The following AGTR1 variants were observed in gnomAD, a reference collection of about 807,000 sequenced individuals.
The protein encoded by AGTR1 is type-1 angiotensin II receptor.
Under a neutral mutation model 19.4 loss-of-function variants are expected in AGTR1, and 16 were observed. That is an observed-to-expected ratio of 0.82 (90% CI 0.56 to 1.25). AGTR1 has a LOEUF of 1.25. Ranked by LOEUF, AGTR1 falls within the 50% of genes most tolerant of loss-of-function variation. The pLI, the probability that AGTR1 is intolerant of heterozygous loss-of-function variation, is 0.00. For missense variants in AGTR1, 373 were observed against 431.9 expected (o/e 0.86, Z 1.21); for synonymous variants, 153 against 154.9 (o/e 0.99, Z 0.09).
At chr3:148,734,576 CATT>C (rs1412099766) in intron 2 of AGTR1, among the ~76,000 whole-genome samples, 1 of 152,134 alleles carries the variant, frequency 6.6e-6, no homozygotes, top group Admixed American at 6.5e-5. Flanking sequence ...ATTAGAATGA[CATT>C]AATAATTTTA....
Position 148,716,037 on chromosome 3 carries a change from C to G in AGTR1, c.-48+8010C>G, listed in dbSNP as rs1426107437. On this transcript the variant is annotated intron_variant, in intron 2 of 2. Transcript: ENST00000349243. This position sits in a 1 kb window ranked among gnomAD's most constrained non-coding sequence, Gnocchi z 4.7. Reference sequence around the variant, plus strand: ...TGCTATGCAACAGTGGCACTTACCCCCAAACCGTATCCTATGGAAATGCCT... The same window carrying G: ...TGCTATGCAACAGTGGCACTTACCCGCAAACCGTATCCTATGGAAATGCCT... 6.6e-6 allele frequency among the ~76,000 whole-genome samples: 1 copy of G among 152,258 alleles called. No individual in the cohort carries two copies. Among genetic ancestry groups the G allele is most frequent in the East Asian group, 1.9e-4 (1 of 5,182 alleles).
In AGTR1 at chr3:148,702,263, C is replaced by A. The variant is rs12721209; in HGVS notation, c.-132+4136C>A. 9.0e-3 allele frequency among the ~76,000 whole-genome samples: 1,367 copies of A among 152,268 alleles called. 15 individuals are homozygous for A. Among genetic ancestry groups the A allele is most frequent in the African/African-American group, 0.032 (1,320 of 41,556 alleles). On this transcript the variant is annotated intron_variant, in intron 1 of 2. Coordinates refer to ENST00000349243, the MANE Select transcript of AGTR1 (RefSeq NM_000685.5). ...AAGTGCTGGGATTACAGACATGAGC[C>A]ACCTCACCTGGCCTGATTTTGTACT...
intron 2 of AGTR1, among the ~76,000 whole-genome samples, chr3:148,732,223 CTT>C (rs1470969353): frequency 1.3e-5 from 2 of 152,220 alleles, no homozygotes; most frequent in Admixed American, 1.3e-4. Context: ...AAACTGTACT[CTT>C]TGACTTGGTA....
At chr3:148,730,885 A>C (rs1714218101) in intron 2 of AGTR1, among the ~76,000 whole-genome samples, 1 of 152,162 alleles carries the variant, frequency 6.6e-6, no homozygotes, top group Non-Finnish European at 1.5e-5. Context: ...TGTGAGTAAA[A>C]GCACCTACAC....
chr3:148,741,468 G>A lies in AGTR1; in HGVS notation c.433G>A (p.Ala145Thr). 1.2e-6 allele frequency: 2 copies of A among 1,612,502 alleles called. No individual in the cohort carries two copies. The highest frequency in any genetic ancestry group is 1.7e-6 in the Non-Finnish European group (2 of 1,179,996). ...CCGCCTTCGACGCACAATGCTTGTA[G>A]CCAAAGTCACCTGCATCATCATTTG... ...KSRLRRTMLV[A>T]KVTCIIIWLL... The change falls in exon 3 of 3, where the codon GCC (alanine) becomes ACC (threonine). Residue 145 changes from alanine (A) to threonine (T), a missense_variant. Transcript: ENST00000349243.
At chr3:148,739,848 C>A (rs1292221230) in intron 2 of AGTR1, 1 of 1,231,760 alleles carries the variant, frequency 8.1e-7, no homozygotes, top group African/African-American at 1.6e-5. Context: ...TGGGGACCTG[C>A]TCCTGGTAGA....
chr3:148,699,071 G>A (rs1712164098), intron 1 of AGTR1, among the ~76,000 whole-genome samples: 1 of 151,888 alleles, frequency 6.6e-6, no homozygotes, highest in Non-Finnish European at 1.5e-5. Context: ...GCCTCGTTAA[G>A]TATTAAAAAC....
chr3:148,730,237 GGTAAAT>G (rs1296405256), intron 2 of AGTR1: 1 of 398,344 alleles, frequency 2.5e-6, no homozygotes, highest in African/African-American at 2.1e-5. Context: ...GCTCAGAGGA[GGTAAAT>G]CATGTGCTTA....
intron 2 of AGTR1, among the ~76,000 whole-genome samples, chr3:148,717,191 CAAA>C (rs1207578186): frequency 6.6e-6 from 1 of 151,798 alleles, no homozygotes; most frequent in Non-Finnish European, 1.5e-5. Context: ...TAAAGGAAGA[CAAA>C]AAAGATCAGA....
intron 2 of AGTR1, among the ~76,000 whole-genome samples, chr3:148,737,067 A>G (rs1015297107): frequency 1.3e-5 from 2 of 152,202 alleles, no homozygotes; most frequent in Non-Finnish European, 1.5e-5. Flanking sequence ...TCATCAATCT[A>G]AAGTAACTGC....
intron 2 of AGTR1, among the ~76,000 whole-genome samples, chr3:148,737,895 G>A (rs1714658342): frequency 6.6e-6 from 1 of 152,102 alleles, no homozygotes; most frequent in Non-Finnish European, 1.5e-5. Context: ...TGATCCCCTA[G>A]CTGTTCAAAG....
At chr3:148,719,561 C>G (rs1160201917) in intron 2 of AGTR1, among the ~76,000 whole-genome samples, 1 of 152,226 alleles carries the variant, frequency 6.6e-6, no homozygotes, top group Non-Finnish European at 1.5e-5. Flanking sequence ...CAATCTGCAG[C>G]CACCTCAACT....
chr3:148,709,617 G>A (rs760428181), intron 2 of AGTR1, among the ~76,000 whole-genome samples: 3 of 152,042 alleles, frequency 2.0e-5, no homozygotes, highest in Non-Finnish European at 2.9e-5. Context: ...ATATTAATTA[G>A]CAACTTTGCC....
At chr3:148,731,270 C>G (rs987252545) in intron 2 of AGTR1, 1 of 152,096 alleles carries the variant, frequency 6.6e-6, no homozygotes, top group African/African-American at 2.4e-5. Flanking sequence ...TGTAAATACT[C>G]TGAGGACCAA....
At chr3:148,726,716 C>T (rs926554493) in intron 2 of AGTR1, among the ~76,000 whole-genome samples, 1 of 152,042 alleles carries the variant, frequency 6.6e-6, no homozygotes, top group Non-Finnish European at 1.5e-5. Flanking sequence ...CTGTGTGCCT[C>T]TTTTGAAAGC....
At chr3:148,723,961 G>T (rs1713788558) in intron 2 of AGTR1, among the ~76,000 whole-genome samples, 1 of 152,104 alleles carries the variant, frequency 6.6e-6, no homozygotes, top group African/African-American at 2.4e-5. Context: ...AAAATGAGAT[G>T]GTTGGCCTGG....
chr3:148,732,671 C>T (rs1228719751), intron 2 of AGTR1, among the ~76,000 whole-genome samples: 3 of 150,232 alleles, frequency 2.0e-5, no homozygotes, highest in Non-Finnish European at 4.4e-5. Flanking sequence ...TTTTGCCCTT[C>T]TCGTCAAATG....
intron 2 of AGTR1, among the ~76,000 whole-genome samples, chr3:148,709,284 A>G (rs1183127432): frequency 2.0e-5 from 3 of 152,142 alleles, no homozygotes; most frequent in Non-Finnish European, 4.4e-5. Context: ...GAACAGAAGG[A>G]GTTTTGTCCA....
intron 2 of AGTR1, among the ~76,000 whole-genome samples, chr3:148,712,702 A>G (rs1257309670): frequency 1.1e-4 from 16 of 152,208 alleles, no homozygotes; most frequent in Admixed American, 9.8e-4. Flanking sequence ...CTGCTTTGGG[A>G]AAGTGAAAGC....
Sources: gnomAD v4.1 joint callset for allele counts (sites outside exome capture counted in the v4.1 genomes callset) on GRCh38, gnomAD v4.1.1 for gene constraint, Gnocchi (gnomAD v3.1) non-coding constraint, MANE v1.5 for transcripts, NCBI Gene and HGNC (gene_info 2026-07-23, HGNC 2026-07-21) for gene names.